Variants in CTSH observed in about 807,000 individuals in gnomAD.
CTSH encodes cathepsin H.
CTSH carries 52 observed loss-of-function variants against 56.3 expected under a neutral mutation model. The ratio of observed to expected loss-of-function variants is 0.92; its 90% CI spans 0.74 to 1.16. The LOEUF (loss-of-function observed/expected upper bound fraction) is 1.16, where lower values mean the gene tolerates loss of function less well. Among genes scored for constraint, CTSH ranks in the 50% most tolerant of loss-of-function variants. The probability of loss-of-function intolerance (pLI) is 0.00; values close to 1 mark genes in which losing one functional copy is unlikely to be tolerated. For synonymous variants in CTSH, 174 were observed against 155.7 expected (o/e 1.12, Z -0.88); for missense variants, 406 against 424.5 (o/e 0.96, Z 0.38).
chr15:78,932,801 G>T (rs774818222), intron 5 of CTSH, among the ~76,000 whole-genome samples: 31 of 152,096 alleles, frequency 2.0e-4, no homozygotes, highest in Admixed American at 3.9e-4. Context: ...TTCTGCCAGG[G>T]CCTGGAGTCC....
intron 10 of CTSH, among the ~76,000 whole-genome samples, chr15:78,925,013 T>A (rs536138737): frequency 2.9e-4 from 44 of 152,140 alleles, no homozygotes; most frequent in African/African-American, 8.7e-4. Context: ...GGGTTTTTTT[T>A]AAACTGGAGG....
chr15:78,931,786 G>A (rs899276969), intron 6 of CTSH: 11 of 1,370,236 alleles, frequency 8.0e-6, no homozygotes, highest in Non-Finnish European at 1.0e-5. Flanking sequence ...CCCCGTAGGT[G>A]TGCCCATACG....
intron 8 of CTSH, 125 bp from the exon 9 acceptor site, chr15:78,927,906 CAGAG>C (rs956618584): frequency 6.5e-6 from 5 of 766,054 alleles, no homozygotes; most frequent in Non-Finnish European, 1.1e-5. Flanking sequence ...GGGATAATTT[CAGAG>C]AGAATTAAAG....
At chr15:78,932,026 A>C in intron 6 of CTSH, 1 of 1,187,664 alleles carries the variant, frequency 8.4e-7, no homozygotes, top group South Asian at 2.2e-5. Flanking sequence ...TTCCCTCATG[A>C]AGACAACTGA....
chr15:78,921,998 A>G lies in CTSH; in HGVS notation c.*132T>C. 5 of 772,744 alleles carry G rather than the reference A, an allele frequency of 6.5e-6. No homozygotes were observed. The highest frequency in any genetic ancestry group is 1.1e-5 in the Non-Finnish European group (5 of 475,298). The allele number at this position is 772,744 out of a possible 1,614,324, so 47.9% of individuals were successfully genotyped here. On this transcript the variant is annotated 3_prime_UTR_variant, in exon 12 of 12. Coordinates refer to ENST00000220166, the MANE Select transcript of CTSH (RefSeq NM_004390.5). ...TTGTCTGTAGGTTTCCAGGCTGGGC[A>G]CAGAGGTGAGGGCAGAATGTTGGGG...
intron 1 of CTSH, among the ~76,000 whole-genome samples, chr15:78,943,250 CCT>C (rs747174607): frequency 2.7e-5 from 4 of 148,890 alleles, no homozygotes; most frequent in African/African-American, 7.6e-5. Flanking sequence ...ACAGTATTCC[CCT>C]GTTTGTTTGT....
intron 7 of CTSH, among the ~76,000 whole-genome samples, chr15:78,930,976 C>T (rs2055046514): frequency 6.6e-6 from 1 of 152,168 alleles, no homozygotes; most frequent in East Asian, 1.9e-4. Flanking sequence ...TACAGTGGGC[C>T]AGGAAAGCAG....
chr15:78,942,128 T>C (rs34843303), intron 1 of CTSH, among the ~76,000 whole-genome samples: 19,381 of 151,846 alleles, frequency 0.13, 1,366 homozygotes, highest in African/African-American at 0.18. Flanking sequence ...TTAAGAGCAA[T>C]GCCACTTAAT....
chr15:78,944,857 T>C (rs1203584427), intron 1 of CTSH, 34 bp downstream of exon 1: 1 of 1,540,968 alleles, frequency 6.5e-7, no homozygotes, highest in Admixed American at 2.0e-5. Flanking sequence ...TAGGGCCTGC[T>C]AGCACCCTCT....
chr15:78,938,368 CAA>C (rs34359724), intron 2 of CTSH, among the ~76,000 whole-genome samples: 1 of 144,802 alleles, frequency 6.9e-6, no homozygotes, highest in Admixed American at 6.9e-5. Context: ...GACTCTGTCT[CAA>C]AAAAAAAAAA....
At position 78,934,974 on chromosome 15, in the gene CTSH, A is replaced by G. The variant is rs2055144822; in HGVS notation, c.405+4T>C. The G allele has an allele frequency of 6.3e-7, 1 of 1,599,548 alleles. No homozygotes were observed. The highest frequency in any genetic ancestry group is 8.6e-7 in the Non-Finnish European group (1 of 1,166,650). ...AGGGAGAGGATGGAGATTGCCAGGC[A>G]TACCTGATTTTTCACAGGTGAGACA... On this transcript the variant is annotated splice_donor_region_variant and intron_variant, in intron 5 of 11. Coordinates refer to ENST00000220166, the MANE Select transcript of CTSH (RefSeq NM_004390.5).
rs1210484888 is a variant in CTSH at position 78,925,832 on chromosome 15, CA to C, written c.700-393del. ...TTATAAACCATGGACGGGTAGGTCC[CA>C]GATGGCGGTGGAAACGAGAAGACCC... is the stretch of plus-strand genomic sequence containing the variant. On this transcript the variant is annotated intron_variant, in intron 9 of 11. Transcript: ENST00000220166. The C allele has an allele frequency of 2.8e-5, 5 of 179,524 alleles. No individual in the cohort carries two copies. The East Asian group carries it at 7.4e-4, about 27-fold the overall frequency. 11.1% of individuals were successfully genotyped at this position (179,524 alleles called of 1,614,324 possible).
rs115591607 is a variant in CTSH, at chr15:78,932,495, T to C, written c.406-37A>G. 7.1e-4 allele frequency: 1,090 copies of C among 1,531,662 alleles called. 6 individuals carry two copies. The African/African-American group carries it at 0.013, about 19-fold the overall frequency. 94.9% of individuals were successfully genotyped at this position (1,531,662 alleles called of 1,614,324 possible). The stretch of plus-strand genomic sequence containing the variant: ...AGGGGAGAGCAGAGGACATCAGTGA[T>C]GGGGACGCCGTGAGACAGCCCTGCC... On this transcript the variant is annotated intron_variant, in intron 5 of 11. Coordinates refer to ENST00000220166, the MANE Select transcript of CTSH (RefSeq NM_004390.5).
At chr15:78,931,872 T>C in intron 6 of CTSH, 4 of 1,240,278 alleles carry the variant, frequency 3.2e-6, no homozygotes, top group Non-Finnish European at 4.1e-6. Flanking sequence ...CCCCCACCTG[T>C]CCACAACCCA....
intron 2 of CTSH, chr15:78,937,838 G>A (rs1372701740): frequency 7.8e-7 from 1 of 1,281,050 alleles, no homozygotes. Context: ...AAACAAATGT[G>A]TATAATTTTT....
chr15:78,928,600 TAAA>T (rs1258289179), intron 8 of CTSH, among the ~76,000 whole-genome samples: 1 of 113,884 alleles, frequency 8.8e-6, no homozygotes, highest in African/African-American at 3.4e-5. Context: ...GAAGGGAGAG[TAAA>T]AGAGACAGGG....
intron 1 of CTSH, 96 bp downstream of exon 1, chr15:78,944,795 C>G: frequency 6.9e-7 from 1 of 1,439,674 alleles, no homozygotes; most frequent in Middle Eastern, 1.8e-4. Context: ...AGCTCTGCCC[C>G]GTTCCTCCGG....
rs978168928 is a variant in CTSH at position 78,944,994 on chromosome 15, G to T, written c.-13C>A. The T allele has an allele frequency of 3.3e-5, 51 of 1,525,856 alleles. No homozygotes were observed. The African/African-American group carries it at 5.2e-4, about 16-fold the overall frequency. 94.5% of individuals were successfully genotyped at this position (1,525,856 alleles called of 1,614,324 possible). A position where few individuals can be genotyped will look rare whatever the true frequency, so the allele number is the denominator to read the frequency against. ...GCGTGGCCCACATCGCAGCGCTGGCGGCTTGGCTCTTGCGCTCAGGGTCCG... is the reference window on the plus strand; with the variant it reads ...GCGTGGCCCACATCGCAGCGCTGGCTGCTTGGCTCTTGCGCTCAGGGTCCG... On this transcript the variant is annotated 5_prime_UTR_variant, in exon 1 of 12. Coordinates refer to ENST00000220166, the MANE Select transcript of CTSH (RefSeq NM_004390.5).
At chr15:78,930,064 T>G (rs932001127) in intron 7 of CTSH, among the ~76,000 whole-genome samples, 6 of 152,234 alleles carry the variant, frequency 3.9e-5, no homozygotes, top group Non-Finnish European at 5.9e-5. Context: ...CCGCACCGCC[T>G]GACCTAGTCT....
Sources: allele counts gnomAD v4.1 joint callset (sites outside exome capture counted in the v4.1 genomes callset), GRCh38; gene constraint gnomAD v4.1.1; transcripts MANE v1.5; gene names NCBI Gene and HGNC (gene_info 2026-07-23, HGNC 2026-07-21).